Variants in GPR107 observed in about 807,000 individuals in gnomAD.
GPR107 encodes the protein G protein-coupled receptor 107.
GPR107 carries 31 observed loss-of-function variants against 75.5 expected under a neutral mutation model. The ratio of observed to expected loss-of-function variants is 0.41; its 90% CI spans 0.31 to 0.55. The LOEUF is 0.55. GPR107 is among the 20% of genes least tolerant of loss of function. GPR107 has a pLI of 0.26. For synonymous variants in GPR107, 267 were observed against 251.3 expected (o/e 1.06, Z -0.59); for missense variants, 572 against 665.7 (o/e 0.86, Z 1.55).
At chr9:130,100,539 G>A (rs1315203537) in intron 10 of GPR107, 90 bp from the exon 11 acceptor site, 1 of 953,140 alleles carries the variant, frequency 1.0e-6, no homozygotes, top group Admixed American at 1.7e-5. Context: ...CAATGATTTG[G>A]ATAATTTCCC....
chr9:130,132,002 C>T (rs1831839050), intron 17 of GPR107, among the ~76,000 whole-genome samples: 1 of 152,176 alleles, frequency 6.6e-6, no homozygotes, highest in South Asian at 2.1e-4. Flanking sequence ...TCACCTCAGC[C>T]TCCTTAATAG....
chr9:130,132,888 C>A (rs187278475), intron 17 of GPR107: 17 of 152,008 alleles, frequency 1.1e-4, no homozygotes, highest in African/African-American at 4.1e-4. Context: ...TCCCTCACTG[C>A]CCTGGGAAAT....
At chr9:130,117,956 G>A (rs1352890415) in intron 14 of GPR107, among the ~76,000 whole-genome samples, 2 of 152,142 alleles carry the variant, frequency 1.3e-5, no homozygotes, top group African/African-American at 4.8e-5. Flanking sequence ...TGATTGCATC[G>A]TCCTGAACTA....
chr9:130,110,003 TG>T (rs1259711150), intron 14 of GPR107, among the ~76,000 whole-genome samples: 2 of 152,220 alleles, frequency 1.3e-5, no homozygotes, highest in Admixed American at 6.5e-5. Flanking sequence ...TGCTTTTTGT[TG>T]GCGAGGCTTA....
intron 9 of GPR107, among the ~76,000 whole-genome samples, chr9:130,094,040 G>T (rs1167284669): frequency 6.6e-6 from 1 of 152,026 alleles, no homozygotes; most frequent in East Asian, 1.9e-4. Flanking sequence ...GTCTTGAACT[G>T]CTGACCTCGG....
At chr9:130,071,674 T>C (rs1274792815) in intron 1 of GPR107, among the ~76,000 whole-genome samples, 3 of 151,978 alleles carry the variant, frequency 2.0e-5, no homozygotes, top group African/African-American at 7.3e-5. Context: ...TTATTATTAT[T>C]ACTATTTTTG....
chr9:130,088,107 C>T (rs1830656527), intron 7 of GPR107, among the ~76,000 whole-genome samples: 1 of 152,134 alleles, frequency 6.6e-6, no homozygotes, highest in South Asian at 2.1e-4. Context: ...CTCATTTGCT[C>T]AGAACCCTCC....
chr9:130,132,799 A>T (rs928620125), intron 17 of GPR107, among the ~76,000 whole-genome samples: 13 of 119,472 alleles, frequency 1.1e-4, no homozygotes, highest in African/African-American at 4.3e-4. Flanking sequence ...AAATCAAATA[A>T]AAAAAAAATA....
intron 1 of GPR107, among the ~76,000 whole-genome samples, chr9:130,065,531 C>T (rs1279387274): frequency 2.6e-5 from 4 of 151,886 alleles, no homozygotes; most frequent in African/African-American, 2.4e-5. Flanking sequence ...TTAGGGAGGC[C>T]GCAACGGGCA....
At chr9:130,088,621 C>T (rs527253051) in intron 7 of GPR107, among the ~76,000 whole-genome samples, 3 of 152,314 alleles carry the variant, frequency 2.0e-5, no homozygotes, top group Admixed American at 1.3e-4. Flanking sequence ...GCTTCTATGT[C>T]ATTATCTCAG....
chr9:130,063,996 G>T (rs937271166), intron 1 of GPR107, among the ~76,000 whole-genome samples: 1 of 151,054 alleles, frequency 6.6e-6, no homozygotes, highest in African/African-American at 2.4e-5. Flanking sequence ...GTAGAGACGG[G>T]GTTACACCAT....
At chr9:130,128,379 G>A in intron 16 of GPR107, among the ~76,000 whole-genome samples, 1 of 152,196 alleles carries the variant, frequency 6.6e-6, no homozygotes. Context: ...GTGGGTATGT[G>A]GTGAGCTCTT....
chr9:130,122,137 C>T (rs963958492), intron 14 of GPR107, among the ~76,000 whole-genome samples: 6 of 152,148 alleles, frequency 3.9e-5, no homozygotes, highest in Admixed American at 3.3e-4. Context: ...GTGATCCACC[C>T]GCCTCAGCCT....
intron 12 of GPR107, among the ~76,000 whole-genome samples, chr9:130,101,566 G>A (rs1831032371): frequency 6.6e-6 from 1 of 152,230 alleles, no homozygotes. Context: ...GCTCAGAGAT[G>A]TAGTGATTTT....
chr9:130,077,538 G>A (rs1830383703), intron 4 of GPR107, among the ~76,000 whole-genome samples, 160 bp downstream of exon 4: 1 of 152,202 alleles, frequency 6.6e-6, no homozygotes, highest in Non-Finnish European at 1.5e-5. Context: ...TGTCCTTGAT[G>A]GGAGAGACAG....
chr9:130,125,122 G>A (rs373052048), intron 15 of GPR107, among the ~76,000 whole-genome samples, 158 bp downstream of exon 15: 75 of 109,098 alleles, frequency 6.9e-4, no homozygotes, highest in Non-Finnish European at 1.1e-3. Context: ...TTCTGGAGAC[G>A]ACGTCTAGCT....
chr9:130,137,916 C>T lies in GPR107; in HGVS notation c.*2795C>T, dbSNP rs782142292. ...TGCTTTGTACTCCTCACTGTTTCTG[C>T]CTACGCAAAATATCCATGTTTCCTC... is the stretch of plus-strand genomic sequence containing the variant. On this transcript the variant is annotated 3_prime_UTR_variant, in exon 18 of 18. Transcript: ENST00000347136. 24 of 152,234 alleles carry T rather than the reference C, an allele frequency of 1.6e-4. No homozygotes were observed. Among genetic ancestry groups the T allele is most frequent in the Admixed American group, 1.4e-3 (22 of 15,284 alleles). The allele number at this position is 152,234 out of a possible 1,614,324, so 9.4% of individuals were successfully genotyped here. A position where few individuals can be genotyped will look rare whatever the true frequency, so the allele number is the denominator to read the frequency against.
chr9:130,057,712 T>C (rs1412981493), intron 1 of GPR107, among the ~76,000 whole-genome samples: 1 of 151,980 alleles, frequency 6.6e-6, no homozygotes, highest in Non-Finnish European at 1.5e-5. Context: ...AGTCCTCTTA[T>C]ATTTTTATTG....
rs1564665357 is a variant in GPR107, at chr9:130,079,646, C to A, written c.403C>A (p.Pro135Thr). The A allele has an allele frequency of 6.2e-7, 1 of 1,613,486 alleles. No individual in the cohort carries two copies. The highest frequency in any genetic ancestry group is 8.5e-7 in the Non-Finnish European group (1 of 1,179,688). The change falls in exon 5 of 18, where the codon CCA becomes ACA. Residue 135 changes from proline to threonine, a missense_variant. By Grantham distance (38) the Pro-to-Thr change is conservative. Coordinates refer to ENST00000347136, the MANE Select transcript of GPR107 (RefSeq NM_020960.5). ...TGAATGTAGGGTAAGAGTAAAGTCT[C>A]CACCAGAAGCTGGTACCCAGTTACC... The part of the protein sequence containing the change: ...ISRSEVRVKS[P>T]PEAGTQLPKI...
Sources: allele counts gnomAD v4.1 joint callset (sites outside exome capture counted in the v4.1 genomes callset), GRCh38; gene constraint gnomAD v4.1.1; transcripts MANE v1.5; gene names NCBI Gene and HGNC (gene_info 2026-07-23, HGNC 2026-07-21).